MYO3B: variants seen among roughly 807,000 people sequenced by gnomAD.
MYO3B encodes the protein myosin-IIIb.
MYO3B carries 156 observed loss-of-function variants against 174.6 expected under a neutral mutation model. That is an observed-to-expected ratio of 0.89 (90% CI 0.78 to 1.02). The LOEUF (loss-of-function observed/expected upper bound fraction) is 1.02. MYO3B is among the 50% of genes least tolerant of loss of function. MYO3B has a pLI of 0.00. For missense variants in MYO3B, 1,632 were observed against 1,639.4 expected (o/e 1.00, Z 0.08); for synonymous variants, 563 against 569.1 (o/e 0.99, Z 0.15).
intron 1 of MYO3B, among the ~76,000 whole-genome samples, chr2:170,181,802 G>T (rs1406480725): frequency 1.3e-5 from 2 of 152,124 alleles, no homozygotes; most frequent in Admixed American, 1.3e-4. Context: ...CAAAGGGAAT[G>T]GGCATTTGGT....
chr2:170,630,616 C>G (rs542723078), intron 32 of MYO3B, among the ~76,000 whole-genome samples: 1 of 152,210 alleles, frequency 6.6e-6, no homozygotes, highest in Non-Finnish European at 1.5e-5. Flanking sequence ...CCCTGACCCC[C>G]GTGTAGCCTA....
intron 18 of MYO3B, among the ~76,000 whole-genome samples, chr2:170,402,205 G>C (rs2094482068): frequency 1.3e-5 from 2 of 152,216 alleles, no homozygotes. Context: ...GCAGTAGGAT[G>C]TGAATAACTA....
intron 7 of MYO3B, among the ~76,000 whole-genome samples, chr2:170,331,094 A>G (rs1310833056): frequency 6.6e-6 from 1 of 152,208 alleles, no homozygotes; most frequent in Non-Finnish European, 1.5e-5. Flanking sequence ...CATCATGTGC[A>G]AAGGCCCTGA....
intron 32 of MYO3B, among the ~76,000 whole-genome samples, chr2:170,552,484 T>C (rs1220468497): frequency 1.3e-5 from 2 of 152,158 alleles, no homozygotes; most frequent in Non-Finnish European, 2.9e-5. Context: ...ATTTAGGATA[T>C]CTGGTAGAAG....
chr2:170,383,111 C>T lies in MYO3B; in HGVS notation c.1107C>T (p.Asp369=), dbSNP rs1418544646. The T allele has an allele frequency of 6.2e-7, 1 of 1,613,030 alleles. No individual in the cohort carries two copies. Among genetic ancestry groups the T allele is most frequent in the African/African-American group, 1.3e-5 (1 of 74,870 alleles). ...ATCAGTTGCAGAAACGTTATGCAGA[C>T]TTGCTAATTTACACATATGTTGGAG... ...IIHQLQKRYA[D]LLIYTYVGDI... is the part of the protein sequence containing the mutation. Residue 369 remains aspartate, a synonymous_variant, in exon 11 of 35, where the codon GAC becomes GAT. Transcript: ENST00000408978.
chr2:170,244,587 T>A (rs1278374835), intron 7 of MYO3B, among the ~76,000 whole-genome samples: 1 of 152,182 alleles, frequency 6.6e-6, no homozygotes, highest in Non-Finnish European at 1.5e-5. Flanking sequence ...AGGGAGAATG[T>A]GCTTCAATTC....
At chr2:170,492,785 T>C (rs1422495216) in intron 25 of MYO3B, among the ~76,000 whole-genome samples, 2 of 152,180 alleles carry the variant, frequency 1.3e-5, no homozygotes, top group Admixed American at 1.3e-4. Flanking sequence ...GGCTGTATCC[T>C]GGAAAAGCAA....
Position 170,200,155 on chromosome 2 carries a change from G to A in MYO3B, c.192G>A (p.Met64Ile). The A allele has an allele frequency of 6.2e-7, 1 of 1,612,348 alleles. No homozygotes were observed. The highest frequency in any genetic ancestry group is 8.5e-7 in the Non-Finnish European group (1 of 1,179,130). ...AVKILDPVSD[M>I]DEEIEAEYNI... ...CATTTTTCTACCCTGTTTAGGATATGGATGAAGAAATTGAGGCAGAATACA... is the reference window on the plus strand; with the variant it reads ...CATTTTTCTACCCTGTTTAGGATATAGATGAAGAAATTGAGGCAGAATACA... Residue 64 changes from methionine (M) to isoleucine (I), a missense_variant, in exon 3 of 35, where the codon ATG becomes ATA. Physicochemically the swap from Met to Ile is conservative, Grantham distance 10. Transcript: ENST00000408978.
At chr2:170,296,982 A>G (rs756253307) in intron 7 of MYO3B, among the ~76,000 whole-genome samples, 4 of 152,130 alleles carry the variant, frequency 2.6e-5, no homozygotes, top group African/African-American at 4.8e-5. Flanking sequence ...CCATGATCCA[A>G]TCGCCTCCCA....
In MYO3B at chr2:170,472,667, T is replaced by TTTTATTTA. The variant is rs879649832; in HGVS notation, c.3014+5961_3014+5962insTTATTTAT. Among the ~76,000 whole-genome samples, 398 of 136,520 alleles carry TTTTATTTA rather than the reference T, an allele frequency of 2.9e-3. 1 individual carries two copies. The highest frequency in any genetic ancestry group is 0.015 in the East Asian group (70 of 4,680). 89.6% of individuals were successfully genotyped at this position (136,520 alleles called of 152,430 possible). On this transcript the variant is annotated intron_variant, in intron 25 of 34. Coordinates refer to ENST00000408978, the MANE Select transcript of MYO3B (RefSeq NM_138995.5). ...AGGCAGGGATATTTTTCAGCTCACT[T>TTTTATTTA]TTTATCTATTTATTTATTTATTTAT... is the stretch of plus-strand genomic sequence containing the variant.
At chr2:170,391,355 C>G (rs557044787) in intron 14 of MYO3B, among the ~76,000 whole-genome samples, 165 bp from the exon 15 acceptor site, 1 of 152,266 alleles carries the variant, frequency 6.6e-6, no homozygotes, top group South Asian at 2.1e-4. Flanking sequence ...ATGACAATTA[C>G]TATACTAATC....
chr2:170,243,302 T>G (rs930123232), intron 7 of MYO3B, among the ~76,000 whole-genome samples: 1 of 152,240 alleles, frequency 6.6e-6, no homozygotes. Context: ...AGGATAGCCT[T>G]GGCTAGGATG....
chr2:170,263,918 G>A (rs1034577077), intron 7 of MYO3B, among the ~76,000 whole-genome samples: 18 of 152,148 alleles, frequency 1.2e-4, no homozygotes, highest in Admixed American at 1.2e-3. Context: ...CATATCTCAG[G>A]CTATCACATG....
intron 7 of MYO3B, among the ~76,000 whole-genome samples, chr2:170,296,908 T>C (rs2093632262): frequency 6.6e-6 from 1 of 152,070 alleles, no homozygotes; most frequent in East Asian, 1.9e-4. Flanking sequence ...CCACATGTCA[T>C]TAGAACTTAC....
rs1402914613 is a variant in MYO3B, at chr2:170,383,091, T to C, written c.1087T>C (p.Leu363=). Residue 363 remains leucine, a synonymous_variant, in exon 11 of 35, where the codon TTG becomes CTG. Coordinates refer to ENST00000408978, the MANE Select transcript of MYO3B (RefSeq NM_138995.5). ...VLDEDTIIHQ[L]QKRYADLLIY... is the part of the protein sequence containing the mutation. ...TTCTTAGGATACAATTATCCATCAG[T>C]TGCAGAAACGTTATGCAGACTTGCT... The C allele has an allele frequency of 1.9e-6, 3 of 1,610,468 alleles. No individual in the cohort carries two copies. The highest frequency in any genetic ancestry group is 1.1e-5 in the South Asian group (1 of 90,978).
At chr2:170,619,778 G>C (rs377237183) in intron 32 of MYO3B, among the ~76,000 whole-genome samples, 2 of 80,246 alleles carry the variant, frequency 2.5e-5, no homozygotes, top group Non-Finnish European at 2.4e-5. Context: ...ACAGAGTCTC[G>C]TTCTGTTGCC....
At chr2:170,444,929 C>T (rs184988963) in intron 23 of MYO3B, among the ~76,000 whole-genome samples, 27 of 152,204 alleles carry the variant, frequency 1.8e-4, no homozygotes, top group African/African-American at 3.9e-4. Flanking sequence ...CTCTTGATAG[C>T]GCATGTAAAA....
intron 9 of MYO3B, among the ~76,000 whole-genome samples, chr2:170,379,578 T>A (rs2094321021): frequency 1.3e-5 from 2 of 152,270 alleles, no homozygotes. Flanking sequence ...TGTATCCTCC[T>A]GCTGTTTTAT....
At chr2:170,407,602 G>GAAAGCTCTGGA in intron 21 of MYO3B, 113 bp from the exon 22 acceptor site, 1 of 1,210,096 alleles carries the variant, frequency 8.3e-7, no homozygotes, top group Non-Finnish European at 1.2e-6. Flanking sequence ...TGAAAGCTAT[G>GAAAGCTCTGGA]TAAAGATGAG....
Sources: allele counts gnomAD v4.1 joint callset (sites outside exome capture counted in the v4.1 genomes callset), GRCh38; gene constraint gnomAD v4.1.1; transcripts MANE v1.5; gene names NCBI Gene and HGNC (gene_info 2026-07-23, HGNC 2026-07-21).